The following GID4 variants were observed in gnomAD, a reference collection of about 807,000 sequenced individuals.
GID4 encodes GID complex subunit 4 homolog, also known as glucose-induced degradation protein 4 homolog.
A neutral mutation model predicts 32.4 loss-of-function variants in GID4; 7 were observed. That is an observed-to-expected ratio of 0.22 (90% CI 0.12 to 0.41). GID4 has a LOEUF of 0.41. Ranked by LOEUF, GID4 falls within the 10% of genes least tolerant of loss-of-function variation. The probability of loss-of-function intolerance (pLI) is 1.00; values close to 1 mark genes in which losing one functional copy is unlikely to be tolerated. For synonymous variants in GID4, 166 were observed against 170.0 expected (o/e 0.98, Z 0.18); for missense variants, 309 against 400.0 (o/e 0.77, Z 1.94).
rs1016769822 is a variant in GID4, at chr17:18,065,362, C to T, written c.*119C>T. On this transcript the variant is annotated 3_prime_UTR_variant, in exon 6 of 6. Coordinates refer to ENST00000268719, the MANE Select transcript of GID4 (RefSeq NM_024052.5). ...GTTCCTGTTTCTTCACGAGCAGACT[C>T]GCATCACAAAGCATGAATGTTAACC... 81 of 766,632 alleles carry T rather than the reference C, an allele frequency of 1.1e-4. No individual in the cohort carries two copies. The highest frequency in any genetic ancestry group is 1.7e-4 in the Non-Finnish European group (77 of 442,532). The allele number at this position is 766,632 out of a possible 1,614,324, so 47.5% of individuals were successfully genotyped here.
Position 18,065,332 on chromosome 17 carries a change from AGT to A in GID4, c.*94_*95del, listed in dbSNP as rs1267074435. On this transcript the variant is annotated 3_prime_UTR_variant, in exon 6 of 6. Coordinates refer to ENST00000268719, the MANE Select transcript of GID4 (RefSeq NM_024052.5). The stretch of plus-strand genomic sequence containing the variant: ...TTGTGTACCTGCCAGAACCAGGAGA[AGT>A]GTGTTCCTGTTTCTTCACGAGCAGA... The A allele has an allele frequency of 4.2e-6, 4 of 945,068 alleles. No homozygotes were observed. The highest frequency in any genetic ancestry group is 1.7e-6 in the Non-Finnish European group (1 of 583,132). The allele number at this position is 945,068 out of a possible 1,614,324, so 58.5% of individuals were successfully genotyped here.
chr17:18,042,467 A>C (rs1372305818), intron 1 of GID4, among the ~76,000 whole-genome samples: 1 of 152,226 alleles, frequency 6.6e-6, no homozygotes, highest in Non-Finnish European at 1.5e-5. Context: ...ATATGGTAAT[A>C]TGTATCAGCA....
At chr17:18,058,759 C>G (rs2044992470) in intron 3 of GID4, 109 bp from the exon 4 acceptor site, 1 of 691,070 alleles carries the variant, frequency 1.4e-6, no homozygotes. Context: ...AGCCACGTCC[C>G]TAGCTGTCAT....
intron 3 of GID4, chr17:18,056,954 C>T (rs1418489649): frequency 5.8e-6 from 9 of 1,550,642 alleles, no homozygotes; most frequent in South Asian, 1.2e-5. Context: ...CTCTGTACTG[C>T]ACCTGGGTTT....
intron 1 of GID4, among the ~76,000 whole-genome samples, chr17:18,040,451 G>A (rs2044784307): frequency 6.6e-6 from 1 of 152,130 alleles, no homozygotes; most frequent in Admixed American, 6.5e-5. Context: ...CAGACCCCCA[G>A]ACGGGGGAGC....
intron 1 of GID4, among the ~76,000 whole-genome samples, chr17:18,040,918 G>C (rs1214995677): frequency 2.0e-5 from 3 of 152,140 alleles, no homozygotes; most frequent in Non-Finnish European, 1.5e-5. Flanking sequence ...ATCAGCTTCG[G>C]AAGTACAGCT....
At chr17:18,042,151 T>TTTTC (rs1205020367) in intron 1 of GID4, among the ~76,000 whole-genome samples, 6 of 152,234 alleles carry the variant, frequency 3.9e-5, no homozygotes, top group Non-Finnish European at 7.3e-5. Flanking sequence ...TTTTGTTTTG[T>TTTTC]TTTCTTTCTT....
At position 18,039,728 on chromosome 17, in the gene GID4, C is replaced by G; in HGVS notation, c.264C>G (p.Thr88=). Residue 88 remains threonine (T), a synonymous_variant, in exon 1 of 6, where the codon ACC becomes ACG. Coordinates refer to ENST00000268719, the MANE Select transcript of GID4 (RefSeq NM_024052.5). The surrounding 1 kb of genome is among the most constrained non-coding windows in gnomAD (Gnocchi z 5.3). ...APGDPAMPVR[T]ECPPPAGASA... ...GGGACCCCGCGATGCCGGTCCGCAC[C>G]GAGTGTCCCCCGCCGGCCGGTGCCT... 1.3e-6 allele frequency: 2 copies of G among 1,519,560 alleles called. No individual in the cohort carries two copies. Among genetic ancestry groups the G allele is most frequent in the Non-Finnish European group, 1.8e-6 (2 of 1,134,838 alleles). 94.1% of individuals were successfully genotyped at this position (1,519,560 alleles called of 1,614,324 possible). A position where few individuals can be genotyped will look rare whatever the true frequency, so the allele number is the denominator to read the frequency against.
At position 18,061,767 on chromosome 17, in the gene GID4, C is replaced by T. The variant is rs2045019720; in HGVS notation, c.709-78C>T. ...ATTTTTCTCGAGTGGTCCTTAGAAC[C>T]CCCTGATGCTTAACAGGGAGGCCCC... On this transcript the variant is annotated intron_variant, in intron 4 of 5. Coordinates refer to ENST00000268719, the MANE Select transcript of GID4 (RefSeq NM_024052.5). The surrounding 1 kb of genome is among the most constrained non-coding windows in gnomAD (Gnocchi z 4.4). The T allele has an allele frequency of 5.1e-6, 7 of 1,381,636 alleles. No homozygotes were observed. The highest frequency in any genetic ancestry group is 1.7e-5 in the Admixed American group (1 of 58,842). 85.6% of individuals were successfully genotyped at this position (1,381,636 alleles called of 1,614,324 possible).
intron 2 of GID4, among the ~76,000 whole-genome samples, chr17:18,053,340 C>T (rs142120458): frequency 0.016 from 2,346 of 148,750 alleles, 74 homozygotes; most frequent in African/African-American, 0.054. Context: ...AGGCTGGGTG[C>T]GGTGGCTCAC....
At chr17:18,042,476 C>T (rs2044812422) in intron 1 of GID4, among the ~76,000 whole-genome samples, 1 of 152,202 alleles carries the variant, frequency 6.6e-6, no homozygotes, top group Admixed American at 6.5e-5. Context: ...TATGTATCAG[C>T]ACTTATATTC....
In GID4 at chr17:18,039,506, G is replaced by A; in HGVS notation, c.42G>A (p.Arg14=). The A allele has an allele frequency of 7.5e-7, 1 of 1,325,690 alleles. No homozygotes were observed. The highest frequency in any genetic ancestry group is 3.1e-5 in the East Asian group (1 of 32,600). 82.1% of individuals were successfully genotyped at this position (1,325,690 alleles called of 1,614,324 possible). A position where few individuals can be genotyped will look rare whatever the true frequency, so the allele number is the denominator to read the frequency against. ...AAGTCGGGAGGGGGACCCAGCTCAG[G>A]ACTGGGAGGCCCTGCTCGCAGGTCC... ...RGQVGRGTQL[R]TGRPCSQVPG... The change falls in exon 1 of 6, where the codon AGG becomes AGA. Residue 14 remains arginine, a synonymous_variant. Transcript: ENST00000268719. The surrounding 1 kb of genome is among the most constrained non-coding windows in gnomAD (Gnocchi z 5.3).
At position 18,039,802 on chromosome 17, in the gene GID4, A is replaced by G. The variant is rs1277004671; in HGVS notation, c.338A>G (p.Gln113Arg). ...SLIPPPPINT[Q>R]QPGVATSLLY... is the part of the protein sequence containing the mutation. ...ATCCCGCCGCCGCCCATCAACACCC[A>G]GCAGCCCGGCGTGGCCACCAGCCTG... The change falls in exon 1 of 6, where the codon CAG becomes CGG. Residue 113 changes from glutamine (Q) to arginine (R), a missense_variant. Gln to Arg is a conservative substitution (Grantham distance 43). This residue lies in a region of GID4 where 193 missense variants were observed against 185.8 expected (regional missense o/e 1.04). Coordinates refer to ENST00000268719, the MANE Select transcript of GID4 (RefSeq NM_024052.5). The surrounding 1 kb of genome is among the most constrained non-coding windows in gnomAD (Gnocchi z 5.3). 1.3e-6 allele frequency: 2 copies of G among 1,576,344 alleles called. No homozygotes were observed. Among genetic ancestry groups the G allele is most frequent in the Non-Finnish European group, 1.7e-6 (2 of 1,162,534 alleles).
chr17:18,047,136 G>A (rs546931524), intron 2 of GID4, among the ~76,000 whole-genome samples: 1 of 152,240 alleles, frequency 6.6e-6, no homozygotes, highest in African/African-American at 2.4e-5. Flanking sequence ...ACTGATTAAG[G>A]ATCTCCTATG....
At chr17:18,064,520 A>G (rs1289109665) in intron 5 of GID4, among the ~76,000 whole-genome samples, 1 of 152,138 alleles carries the variant, frequency 6.6e-6, no homozygotes, top group Non-Finnish European at 1.5e-5. Context: ...CCAACTTGCT[A>G]GACATTGACT....
At chr17:18,060,328 G>T (rs1388046308) in intron 4 of GID4, among the ~76,000 whole-genome samples, 1 of 149,370 alleles carries the variant, frequency 6.7e-6, no homozygotes, top group East Asian at 2.0e-4. Flanking sequence ...AACCCAGGAG[G>T]TGGAGGTTGC....
At position 18,061,336 on chromosome 17, in the gene GID4, C is replaced by T. The variant is rs548864840; in HGVS notation, c.709-509C>T. Among the ~76,000 whole-genome samples the T allele has an allele frequency of 1.4e-4, 21 of 152,252 alleles. No homozygotes were observed. Among genetic ancestry groups the T allele is most frequent in the African/African-American group, 3.1e-4 (13 of 41,546 alleles). Reference sequence around the variant, plus strand: ...ACCGTTCTGACTGCTTTTGACAAGGCGTCAAGCTCTTGGAGGGGGTGTCAC... The same window carrying T: ...ACCGTTCTGACTGCTTTTGACAAGGTGTCAAGCTCTTGGAGGGGGTGTCAC... On this transcript the variant is annotated intron_variant, in intron 4 of 5. Coordinates refer to ENST00000268719, the MANE Select transcript of GID4 (RefSeq NM_024052.5). The surrounding 1 kb of genome is among the most constrained non-coding windows in gnomAD (Gnocchi z 4.4).
chr17:18,064,192 T>C (rs1020024902), intron 5 of GID4, among the ~76,000 whole-genome samples: 1 of 152,140 alleles, frequency 6.6e-6, no homozygotes, highest in Non-Finnish European at 1.5e-5. Context: ...AGGAGTGAAA[T>C]TGCTAGGTCA....
chr17:18,047,729 G>A (rs1189664008), intron 2 of GID4, among the ~76,000 whole-genome samples: 2 of 152,216 alleles, frequency 1.3e-5, no homozygotes, highest in African/African-American at 4.8e-5. Flanking sequence ...TGCTGCTGCA[G>A]GGGTGTTGCG....
Sources: gnomAD v4.1 joint callset for allele counts (sites outside exome capture counted in the v4.1 genomes callset) on GRCh38, gnomAD v4.1.1 for gene constraint, gnomAD v4.1.1 regional missense constraint, Gnocchi (gnomAD v3.1) non-coding constraint, MANE v1.5 for transcripts, NCBI Gene and HGNC (gene_info 2026-07-23, HGNC 2026-07-21) for gene names.